PGGT1B: variants seen among roughly 807,000 people sequenced by gnomAD.
The protein encoded by PGGT1B is protein geranylgeranyltransferase type I subunit beta.
A neutral mutation model predicts 46.1 loss-of-function variants in PGGT1B; 30 were observed. The ratio of observed to expected loss-of-function variants is 0.65; its 90% CI spans 0.49 to 0.88. The LOEUF is 0.88. Among genes scored for constraint, PGGT1B ranks in the 40% least tolerant of loss-of-function variants. PGGT1B has a pLI of 0.00. For missense variants in PGGT1B, 376 were observed against 455.9 expected (o/e 0.82, Z 1.60); for synonymous variants, 170 against 160.0 (o/e 1.06, Z -0.47).
At chr5:115,235,746 C>T (rs1757160553) in intron 5 of PGGT1B, among the ~76,000 whole-genome samples, 1 of 152,110 alleles carries the variant, frequency 6.6e-6, no homozygotes, top group African/African-American at 2.4e-5. Context: ...ATATGATCCA[C>T]TGTTACACAC....
At chr5:115,228,721 AC>A (rs1409512572) in intron 6 of PGGT1B, among the ~76,000 whole-genome samples, 1 of 152,190 alleles carries the variant, frequency 6.6e-6, no homozygotes, top group African/African-American at 2.4e-5. Flanking sequence ...ACAGGAAGAA[AC>A]AAAGATGGTG....
At position 115,205,352 on chromosome 5, in the gene PGGT1B, A is replaced by G. The variant is rs1468384777; in HGVS notation, c.*7050T>C. 1 of 152,180 alleles carries G rather than the reference A, an allele frequency of 6.6e-6. No individual in the cohort carries two copies. The highest frequency in any genetic ancestry group is 2.4e-5 in the African/African-American group (1 of 41,454). 9.4% of individuals were successfully genotyped at this position (152,180 alleles called of 1,614,324 possible). On this transcript the variant is annotated 3_prime_UTR_variant, in exon 9 of 9. Transcript: ENST00000419445. Reference sequence around the variant, plus strand: ...ACACCTTATATGCTGGTAGTGCATTACCAGTTGGTTCAGGGAATCCCACAT... The same window carrying G: ...ACACCTTATATGCTGGTAGTGCATTGCCAGTTGGTTCAGGGAATCCCACAT...
chr5:115,224,584 T>G (rs1756702207), intron 6 of PGGT1B, among the ~76,000 whole-genome samples: 1 of 152,110 alleles, frequency 6.6e-6, no homozygotes, highest in Non-Finnish European at 1.5e-5. Flanking sequence ...AACTAGTATG[T>G]TAGGCTGGGC....
At chr5:115,212,700 G>C in intron 8 of PGGT1B, 117 bp from the exon 9 acceptor site, 1 of 607,978 alleles carries the variant, frequency 1.6e-6, no homozygotes, top group Non-Finnish European at 2.7e-6. Flanking sequence ...TTAGAGAAAT[G>C]CTAATATAGT....
At chr5:115,236,303 G>T in intron 5 of PGGT1B, 87 bp downstream of exon 5, 1 of 940,304 alleles carries the variant, frequency 1.1e-6, no homozygotes, top group Non-Finnish European at 1.6e-6. Context: ...CAAATTGTTG[G>T]CGGAAGAGAT....
intron 5 of PGGT1B, among the ~76,000 whole-genome samples, chr5:115,234,189 T>A (rs1453329618): frequency 7.5e-6 from 1 of 133,778 alleles, no homozygotes; most frequent in African/African-American, 3.0e-5. Context: ...TCCCAAGCTA[T>A]ATTGTTAAGT....
At chr5:115,262,171 G>C (rs1748585224) in intron 1 of PGGT1B, among the ~76,000 whole-genome samples, 1 of 152,112 alleles carries the variant, frequency 6.6e-6, no homozygotes, top group African/African-American at 2.4e-5. Context: ...ACACTCTTCA[G>C]CTATTGCGAT....
Position 115,208,900 on chromosome 5 carries a change from T to C in PGGT1B, c.*3502A>G, listed in dbSNP as rs1756140326. 6.6e-6 allele frequency: 1 copy of C among 152,048 alleles called. No homozygotes were observed. The highest frequency in any genetic ancestry group is 1.9e-4 in the East Asian group (1 of 5,202). 9.4% of individuals were successfully genotyped at this position (152,048 alleles called of 1,614,324 possible). On this transcript the variant is annotated 3_prime_UTR_variant, in exon 9 of 9. Transcript: ENST00000419445. ...TAGGTTTTTATCTGTCTTGTGGTCA[T>C]GTCCTTCCGGTGTGCTTTCATTGTC...
chr5:115,244,608 T>C (rs1451254873), intron 2 of PGGT1B, among the ~76,000 whole-genome samples: 2 of 151,728 alleles, frequency 1.3e-5, no homozygotes, highest in African/African-American at 2.4e-5. Flanking sequence ...CTTTTTATTT[T>C]TGAGACAGAG....
chr5:115,237,863 A>G lies in PGGT1B; in HGVS notation c.474T>C (p.Asp158=), dbSNP rs1757229679. The part of the protein sequence containing the change: ...LAGLRALQLE[D]GSFCAVPEGS... ...TAACAAAGAATCACTCATACCTCCC[A>G]TCTTCCAGCTGAAGGGCTCTCAAGC... The change falls in exon 4 of 9, where the codon GAT becomes GAC. Residue 158 remains aspartate (D), a synonymous_variant. Transcript: ENST00000419445. 1.9e-6 allele frequency: 3 copies of G among 1,600,490 alleles called. No homozygotes were observed. Among genetic ancestry groups the G allele is most frequent in the Non-Finnish European group, 2.5e-6 (3 of 1,176,980 alleles).
intron 1 of PGGT1B, among the ~76,000 whole-genome samples, chr5:115,262,323 A>T (rs984070665): frequency 6.6e-6 from 1 of 152,232 alleles, no homozygotes; most frequent in African/African-American, 2.4e-5. Flanking sequence ...ATTAAGAGTT[A>T]ATGACTTTAG....
At chr5:115,216,291 C>G (rs1193182320) in intron 8 of PGGT1B, among the ~76,000 whole-genome samples, 1 of 152,102 alleles carries the variant, frequency 6.6e-6, no homozygotes, top group Non-Finnish European at 1.5e-5. Flanking sequence ...AGGCACGCAT[C>G]ACCACACCTG....
rs1387261735 is a variant in PGGT1B, at chr5:115,248,805, A to C, written c.259+4332T>G. The stretch of plus-strand genomic sequence containing the variant: ...TGTGAGGTTTCAGACAGGTCTCTGA[A>C]TCACTTTGCGTCTCAGTTTCCTCTT... On this transcript the variant is annotated intron_variant, in intron 2 of 8. Coordinates refer to ENST00000419445, the MANE Select transcript of PGGT1B (RefSeq NM_005023.4). 2.6e-5 allele frequency among the ~76,000 whole-genome samples: 4 copies of C among 152,336 alleles called. No individual in the cohort carries two copies. In the East Asian group the frequency reaches 7.7e-4, roughly 29 times the overall value.
At position 115,210,389 on chromosome 5, in the gene PGGT1B, T is replaced by C. The variant is rs756992357; in HGVS notation, c.*2013A>G. The stretch of plus-strand genomic sequence containing the variant: ...CTTGTAAATAACTATTTAGAAAAGT[T>C]AGAAATAGTTTCTCCACAATTCACA... On this transcript the variant is annotated 3_prime_UTR_variant, in exon 9 of 9. Transcript: ENST00000419445. 6.6e-6 allele frequency: 1 copy of C among 152,170 alleles called. No individual in the cohort carries two copies. Among genetic ancestry groups the C allele is most frequent in the Non-Finnish European group, 1.5e-5 (1 of 68,000 alleles). 9.4% of individuals were successfully genotyped at this position (152,170 alleles called of 1,614,324 possible). A position where few individuals can be genotyped will look rare whatever the true frequency, so the allele number is the denominator to read the frequency against.
chr5:115,205,722 A>AT lies in PGGT1B; in HGVS notation c.*6679dup, dbSNP rs1756043835. The AT allele has an allele frequency of 6.6e-6, 1 of 152,076 alleles. No individual in the cohort carries two copies. The highest frequency in any genetic ancestry group is 1.5e-5 in the Non-Finnish European group (1 of 67,950). 9.4% of individuals were successfully genotyped at this position (152,076 alleles called of 1,614,324 possible). A position where few individuals can be genotyped will look rare whatever the true frequency, so the allele number is the denominator to read the frequency against. ...TATCAGAAACCCATTTTCTGATCAT[A>AT]TTTAAAATCTTAGTGTCAAGATAAA... On this transcript the variant is annotated 3_prime_UTR_variant, in exon 9 of 9. Coordinates refer to ENST00000419445, the MANE Select transcript of PGGT1B (RefSeq NM_005023.4).
chr5:115,262,620 C>T, intron 1 of PGGT1B, 92 bp downstream of exon 1: 1 of 1,435,532 alleles, frequency 7.0e-7, no homozygotes, highest in South Asian at 1.3e-5. Context: ...GCGCAGCCCC[C>T]TTCCGGCGCC....
intron 2 of PGGT1B, among the ~76,000 whole-genome samples, chr5:115,242,093 G>A (rs540565334): frequency 6.6e-6 from 1 of 152,192 alleles, no homozygotes; most frequent in Non-Finnish European, 1.5e-5. Context: ...AAGCTGAAGA[G>A]AAAATATGTA....
chr5:115,249,644 T>A (rs1580775940), intron 2 of PGGT1B, among the ~76,000 whole-genome samples: 2 of 152,046 alleles, frequency 1.3e-5, no homozygotes, highest in South Asian at 4.2e-4. Flanking sequence ...GTAATCAGAA[T>A]GAGTCAGGGT....
chr5:115,218,763 C>T (rs1437754558), intron 7 of PGGT1B, among the ~76,000 whole-genome samples: 1 of 151,774 alleles, frequency 6.6e-6, no homozygotes, highest in Non-Finnish European at 1.5e-5. Context: ...TCCTTAATGC[C>T]TGTTAAAACT....
Sources: gnomAD v4.1 joint callset for allele counts (sites outside exome capture counted in the v4.1 genomes callset) on GRCh38, gnomAD v4.1.1 for gene constraint, MANE v1.5 for transcripts, NCBI Gene and HGNC (gene_info 2026-07-23, HGNC 2026-07-21) for gene names.